Variants in MBTPS2 observed in about 807,000 individuals in gnomAD.
The protein encoded by MBTPS2 is membrane bound transcription factor peptidase, site 2.
MBTPS2 carries 2 observed loss-of-function variants against 35.4 expected under a neutral mutation model. That is an observed-to-expected ratio of 0.06 (90% CI 0.02 to 0.18). The LOEUF is 0.18. Among genes scored for constraint, MBTPS2 ranks in the 10% least tolerant of loss-of-function variants. The pLI is 1.00. For synonymous variants in MBTPS2, 125 were observed against 140.4 expected, an observed-to-expected ratio of 0.89 and a Z score of 0.77; for missense variants, 244 against 386.5, an observed-to-expected ratio of 0.63 and a Z score of 3.09.
intron 2 of MBTPS2, 126 bp from the exon 3 acceptor site, chrX:21,845,042 AAAG>A: frequency 2.0e-6 from 2 of 1,015,508 alleles, no homozygotes; most frequent in East Asian, 6.3e-5. Context: ...CATGTAGGAA[AAAG>A]AAGCAGAGTT....
At chrX:21,845,077 T>C in intron 2 of MBTPS2, 94 bp from the exon 3 acceptor site, 8 of 1,195,297 alleles carry the variant, frequency 6.7e-6, no homozygotes, top group Non-Finnish European at 7.9e-6. Flanking sequence ...TTAGCCATTA[T>C]TTTAAAGCTA....
At chrX:21,851,221 A>G (rs1482774653) in intron 3 of MBTPS2, among the ~76,000 whole-genome samples, 2 of 111,612 alleles carry the variant, frequency 1.8e-5, no homozygotes, top group East Asian at 5.6e-4. Context: ...TCCCAAGGTG[A>G]AGACTCCAGG....
At chrX:21,869,341 T>C (rs1377122922) in intron 6 of MBTPS2, among the ~76,000 whole-genome samples, 157 bp from the exon 7 acceptor site, 2 of 112,651 alleles carry the variant, frequency 1.8e-5, no homozygotes, top group Non-Finnish European at 3.7e-5. Context: ...TGTTGGGTTT[T>C]ATTTTAATTT....
At chrX:21,852,813 T>C (rs747474934) in intron 4 of MBTPS2, among the ~76,000 whole-genome samples, 143 of 109,996 alleles carry the variant, frequency 1.3e-3, no homozygotes, top group Non-Finnish European at 2.3e-3. Context: ...TTTTTTTTAA[T>C]ATGGAGATCA....
chrX:21,884,913 T>C lies in MBTPS2; in HGVS notation c.*2258T>C. ...GGGTCTTTGTGTCCCTGGCATATTATCATCTTCATGGAAAGAATCCACTGT... is the reference window on the plus strand; with the variant it reads ...GGGTCTTTGTGTCCCTGGCATATTACCATCTTCATGGAAAGAATCCACTGT... On this transcript the variant is annotated 3_prime_UTR_variant, in exon 11 of 11. Coordinates refer to ENST00000379484, the MANE Select transcript of MBTPS2 (RefSeq NM_015884.4). The C allele has an allele frequency of 1.3e-6, 1 of 753,397 alleles. No individual in the cohort carries two copies. The highest frequency in any genetic ancestry group is 6.7e-5 in the South Asian group (1 of 14,850). The allele number at this position is 753,397 out of a possible 1,213,427, so 62.1% of individuals were successfully genotyped here.
Position 21,883,175 on chromosome X carries a change from C to T in MBTPS2, c.*520C>T. On this transcript the variant is annotated 3_prime_UTR_variant, in exon 11 of 11. Coordinates refer to ENST00000379484, the MANE Select transcript of MBTPS2 (RefSeq NM_015884.4). ...TATTTTGTGCTCTGAAAGCTGAGGT[C>T]TGATTACAATTAGTAAAATTCTATA... 1.3e-6 allele frequency: 1 copy of T among 758,742 alleles called. No individual in the cohort carries two copies. Among genetic ancestry groups the T allele is most frequent in the Non-Finnish European group, 1.6e-6 (1 of 641,325 alleles). The allele number at this position is 758,742 out of a possible 1,213,427, so 62.5% of individuals were successfully genotyped here. A position where few individuals can be genotyped will look rare whatever the true frequency, so the allele number is the denominator to read the frequency against.
intron 3 of MBTPS2, among the ~76,000 whole-genome samples, chrX:21,849,026 T>G (rs1314756867): frequency 8.9e-6 from 1 of 111,966 alleles, no homozygotes; most frequent in Non-Finnish European, 1.9e-5. Context: ...TTTTATTTTT[T>G]AAATACTTTA....
At chrX:21,869,837 T>C (rs2092945015) in intron 7 of MBTPS2, 159 bp downstream of exon 7, 2 of 464,980 alleles carry the variant, frequency 4.3e-6, no homozygotes, top group Admixed American at 3.4e-5. Flanking sequence ...TCTTGGTAAG[T>C]TGGATGCTAA....
At chrX:21,862,905 TATAA>T (rs1245842573) in intron 5 of MBTPS2, among the ~76,000 whole-genome samples, 1 of 69,959 alleles carries the variant, frequency 1.4e-5, no homozygotes, top group Non-Finnish European at 2.8e-5. Context: ...TATAAACATA[TATAA>T]ATATATAAAC....
rs1354643399 is a variant in MBTPS2 at position 21,883,654 on chromosome X, C to T, written c.*999C>T. 4.0e-6 allele frequency: 3 copies of T among 752,060 alleles called. No homozygotes were observed. The highest frequency in any genetic ancestry group is 4.7e-6 in the Non-Finnish European group (3 of 638,849). 62.0% of individuals were successfully genotyped at this position (752,060 alleles called of 1,213,427 possible). A position where few individuals can be genotyped will look rare whatever the true frequency, so the allele number is the denominator to read the frequency against. Reference sequence around the variant, plus strand: ...CTGAGCCATACTCTGTCCTCACCAGCGGCTCCCATGTTTTTCTGTGTCAGG... The same window carrying T: ...CTGAGCCATACTCTGTCCTCACCAGTGGCTCCCATGTTTTTCTGTGTCAGG... On this transcript the variant is annotated 3_prime_UTR_variant, in exon 11 of 11. Coordinates refer to ENST00000379484, the MANE Select transcript of MBTPS2 (RefSeq NM_015884.4).
chrX:21,870,844 TA>T (rs2092946449), intron 7 of MBTPS2: 1 of 70,792 alleles, frequency 1.4e-5, no homozygotes, highest in Non-Finnish European at 3.1e-5. Flanking sequence ...CCCAATTCTT[TA>T]TACAAAATCA....
intron 4 of MBTPS2, 90 bp downstream of exon 4, chrX:21,851,702 A>G (rs1319705860): frequency 9.5e-6 from 6 of 632,362 alleles, no homozygotes; most frequent in Admixed American, 2.3e-5. Context: ...TATATTTGAT[A>G]CTTCACTATT....
intron 5 of MBTPS2, chrX:21,857,599 C>T: frequency 3.3e-6 from 4 of 1,199,586 alleles, no homozygotes; most frequent in Non-Finnish European, 4.5e-6. Flanking sequence ...AAAAACAACC[C>T]GTGAAAAGGA....
At chrX:21,862,958 A>ATATATATATATATATATATATATATATG (rs2092934609) in intron 5 of MBTPS2, among the ~76,000 whole-genome samples, 1 of 60,604 alleles carries the variant, frequency 1.7e-5, no homozygotes, top group African/African-American at 6.2e-5. Context: ...ATATATATAT[A>ATATATATATATATATATATATATATATG]TATATATATA....
In MBTPS2 at chrX:21,878,012, G is replaced by A. The variant is rs1185575439; in HGVS notation, c.971-30G>A. On this transcript the variant is annotated intron_variant, in intron 7 of 10. Transcript: ENST00000379484. Reference sequence around the variant, plus strand: ...GTTACAAATGTATTTTTATATAAGAGACTCTAATAAACAGTGTATTTCTCT... The same window carrying A: ...GTTACAAATGTATTTTTATATAAGAAACTCTAATAAACAGTGTATTTCTCT... 3.2e-6 allele frequency: 3 copies of A among 947,160 alleles called. No individual in the cohort carries two copies. The East Asian group carries it at 9.2e-5, about 29-fold the overall frequency. 78.1% of individuals were successfully genotyped at this position (947,160 alleles called of 1,213,427 possible). A position where few individuals can be genotyped will look rare whatever the true frequency, so the allele number is the denominator to read the frequency against.
chrX:21,839,743 G>A lies in MBTPS2; in HGVS notation c.9G>A (p.Pro3=). 3 of 1,188,568 alleles carry A rather than the reference G, an allele frequency of 2.5e-6. No homozygotes were observed. The highest frequency in any genetic ancestry group is 3.4e-6 in the Non-Finnish European group (3 of 883,270). MI[P]VSLVVVVVGG... is the part of the protein sequence containing the mutation. ...CTGCCGCCGCTGCCGCCATGATTCC[G>A]GTGTCGCTGGTGGTGGTGGTGGTGG... Residue 3 remains proline (P), a synonymous_variant, in exon 1 of 11, where the codon CCG becomes CCA. Coordinates refer to ENST00000379484, the MANE Select transcript of MBTPS2 (RefSeq NM_015884.4).
chrX:21,856,285 CTT>C, intron 5 of MBTPS2: 3 of 279,600 alleles, frequency 1.1e-5, no homozygotes, highest in Admixed American at 7.3e-5. Flanking sequence ...AGTCTCGCGC[CTT>C]TCTCTGCAGC....
Position 21,878,694 on chromosome X carries a change from T to C in MBTPS2, c.1261+2T>C, listed in dbSNP as rs952062407. ...ATCCTCTGCATCTTCACTACACAGG[T>C]GAGTATTTTTGTGGTAGACCCTTAG... On this transcript the variant is annotated splice_donor_variant, in intron 9 of 10. Coordinates refer to ENST00000379484, the MANE Select transcript of MBTPS2 (RefSeq NM_015884.4). LOFTEE classifies it high-confidence loss of function. 4.3e-6 allele frequency: 5 copies of C among 1,173,788 alleles called. No individual in the cohort carries two copies. The highest frequency in any genetic ancestry group is 5.8e-6 in the Non-Finnish European group (5 of 861,088).
At chrX:21,855,373 A>T (rs2092919486) in intron 5 of MBTPS2, among the ~76,000 whole-genome samples, 1 of 111,430 alleles carries the variant, frequency 9.0e-6, no homozygotes, top group Non-Finnish European at 1.9e-5. Flanking sequence ...CCAAGAGGCA[A>T]TCAAAAAAAT....
Sources: allele counts gnomAD v4.1 joint callset (sites outside exome capture counted in the v4.1 genomes callset), GRCh38; gene constraint gnomAD v4.1.1; transcripts MANE v1.5; gene names NCBI Gene and HGNC (gene_info 2026-07-23, HGNC 2026-07-21).